RMND1: variants seen among roughly 807,000 people sequenced by gnomAD.
RMND1 encodes required for meiotic nuclear division 1 homolog, also known as required for meiotic nuclear division protein 1 homolog.
RMND1 carries 41 observed loss-of-function variants against 54.0 expected under a neutral mutation model. The ratio of observed to expected loss-of-function variants is 0.76; its 90% CI spans 0.59 to 0.98. The LOEUF (loss-of-function observed/expected upper bound fraction) is 0.98. Among genes scored for constraint, RMND1 ranks in the 50% least tolerant of loss-of-function variants. RMND1 has a pLI of 0.00. For synonymous variants in RMND1, 183 were observed against 181.7 expected, an observed-to-expected ratio of 1.01 and a Z score of -0.06; for missense variants, 457 against 532.0, an observed-to-expected ratio of 0.86 and a Z score of 1.39.
chr6:151,444,860 G>C (rs2114970405), intron 2 of RMND1: 1 of 153,808 alleles, frequency 6.5e-6, no homozygotes, highest in South Asian at 2.1e-4. Flanking sequence ...GCTGCTTTTG[G>C]AGTCCACCCT....
At position 151,417,342 on chromosome 6, in the gene RMND1, T is replaced by C; in HGVS notation, c.1137A>G (p.Arg379=). Residue 379 remains arginine (R), a synonymous_variant, in exon 10 of 12, where the codon AGA becomes AGG. Transcript: ENST00000444024. ...FLITPDFYWD[R]ENLEGLYDKT... ...TATCGTAAAGTCCTTCCAGGTTTTC[T>C]CTGTCCCAGTAGAAATCAGGAGTAA... 12 of 1,613,780 alleles carry C rather than the reference T, an allele frequency of 7.4e-6. No individual in the cohort carries two copies. Among genetic ancestry groups the C allele is most frequent in the African/African-American group, 1.3e-5 (1 of 75,060 alleles).
intron 5 of RMND1, among the ~76,000 whole-genome samples, chr6:151,428,391 A>C (rs1369561444): frequency 2.0e-5 from 3 of 152,200 alleles, no homozygotes; most frequent in African/African-American, 7.2e-5. Context: ...TTATTTAACC[A>C]ACCTAGGTGT....
At chr6:151,419,661 A>G (rs1332726822) in intron 9 of RMND1, among the ~76,000 whole-genome samples, 1 of 135,062 alleles carries the variant, frequency 7.4e-6, no homozygotes, top group East Asian at 2.1e-4. Context: ...GTGACAAGCA[A>G]GACCCTGTTT....
chr6:151,417,333 C>T lies in RMND1; in HGVS notation c.1146G>A (p.Leu382=). Residue 382 remains leucine, a synonymous_variant, in exon 10 of 12, where the codon CTG becomes CTA. Transcript: ENST00000444024. ...TPDFYWDREN[L]EGLYDKTCQF... ...GACACGTTTTATCGTAAAGTCCTTC[C>T]AGGTTTTCTCTGTCCCAGTAGAAAT... The T allele has an allele frequency of 6.2e-7, 1 of 1,613,754 alleles. No homozygotes were observed.
chr6:151,449,094 C>T (rs764475054), intron 1 of RMND1, among the ~76,000 whole-genome samples: 1 of 129,342 alleles, frequency 7.7e-6, no homozygotes, highest in Non-Finnish European at 1.5e-5. Flanking sequence ...AAAAGCCTGG[C>T]GCGGTGGCTC....
intron 3 of RMND1, 78 bp downstream of exon 3, chr6:151,436,368 T>C (rs888038054): frequency 2.6e-6 from 4 of 1,524,664 alleles, no homozygotes; most frequent in Non-Finnish European, 3.6e-6. Flanking sequence ...TGCAAACAAA[T>C]ACATACTTAA....
Position 151,445,078 on chromosome 6 carries a change from T to G in RMND1, c.504+230A>C, listed in dbSNP as rs1582970118. ...ACCAATAACCAAATCTTTTATAAAC[T>G]CTATTTTCATGTGTTATCACCTGTA... is the stretch of plus-strand genomic sequence containing the variant. On this transcript the variant is annotated intron_variant, in intron 2 of 11. Transcript: ENST00000444024. The G allele has an allele frequency of 9.0e-6, 4 of 442,448 alleles. No homozygotes were observed. The East Asian group carries it at 1.3e-4, about 15-fold the overall frequency. 27.4% of individuals were successfully genotyped at this position (442,448 alleles called of 1,614,324 possible). A position where few individuals can be genotyped will look rare whatever the true frequency, so the allele number is the denominator to read the frequency against.
chr6:151,407,260 CT>C (rs1400027299), intron 10 of RMND1, among the ~76,000 whole-genome samples: 3 of 152,172 alleles, frequency 2.0e-5, no homozygotes, highest in African/African-American at 7.2e-5. Flanking sequence ...AGTTTCTAAT[CT>C]GTATAGATGT....
At chr6:151,451,502 G>A (rs1422603194) in intron 1 of RMND1, among the ~76,000 whole-genome samples, 1 of 152,184 alleles carries the variant, frequency 6.6e-6, no homozygotes, top group Non-Finnish European at 1.5e-5. Flanking sequence ...AAAATAAGAG[G>A]AAAGGGCAGA....
rs974708373 is a variant in RMND1, at chr6:151,422,538, T to G, written c.1002+3A>C. On this transcript the variant is annotated splice_donor_region_variant and intron_variant, in intron 8 of 11. Transcript: ENST00000444024. ...TGAATAAGCATAAAATTGATATAAT[T>G]ACCTCAGGAATTGACTGAATAGATT... is the stretch of plus-strand genomic sequence containing the variant. The G allele has an allele frequency of 3.4e-5, 49 of 1,448,188 alleles. No individual in the cohort carries two copies. The highest frequency in any genetic ancestry group is 4.3e-5 in the Non-Finnish European group (46 of 1,064,226). 89.7% of individuals were successfully genotyped at this position (1,448,188 alleles called of 1,614,324 possible).
At chr6:151,436,196 C>T (rs1387731709) in intron 3 of RMND1, 1 of 391,288 alleles carries the variant, frequency 2.6e-6, no homozygotes, top group Non-Finnish European at 4.7e-6. Flanking sequence ...GTAGTATGAC[C>T]TCTGACCACC....
At chr6:151,417,784 C>T (rs1219595850) in intron 9 of RMND1, among the ~76,000 whole-genome samples, 2 of 151,268 alleles carry the variant, frequency 1.3e-5, no homozygotes, top group African/African-American at 4.8e-5. Flanking sequence ...TTATGAAGTA[C>T]ACAGAAAAAA....
intron 1 of RMND1, among the ~76,000 whole-genome samples, chr6:151,451,072 C>T (rs1012743727): frequency 3.9e-5 from 6 of 152,184 alleles, no homozygotes; most frequent in Non-Finnish European, 7.4e-5. Context: ...TGCGGAAGGC[C>T]GCAGGGTCCT....
chr6:151,421,470 C>T (rs1437731433), intron 8 of RMND1, 149 bp from the exon 9 acceptor site: 2 of 585,754 alleles, frequency 3.4e-6, no homozygotes, highest in East Asian at 2.9e-5. Context: ...AATGTCTTAA[C>T]TCACCTTGAA....
chr6:151,419,668 G>GT (rs1309490403), intron 9 of RMND1, among the ~76,000 whole-genome samples: 2 of 83,156 alleles, frequency 2.4e-5, no homozygotes, highest in Admixed American at 1.3e-4. Flanking sequence ...GCAAGACCCT[G>GT]TTTAAAAAAA....
At chr6:151,437,432 T>C (rs1780645051) in intron 2 of RMND1, among the ~76,000 whole-genome samples, 1 of 152,212 alleles carries the variant, frequency 6.6e-6, no homozygotes, top group Non-Finnish European at 1.5e-5. Flanking sequence ...TTGAAAGCTA[T>C]TGGCATAAGA....
At chr6:151,443,998 T>C (rs188334206) in intron 2 of RMND1, among the ~76,000 whole-genome samples, 5 of 152,310 alleles carry the variant, frequency 3.3e-5, no homozygotes, top group African/African-American at 9.6e-5. Context: ...CTATGTTGAA[T>C]GTTGAAAATC....
chr6:151,439,200 C>T (rs906863560), intron 2 of RMND1, among the ~76,000 whole-genome samples: 6 of 152,166 alleles, frequency 3.9e-5, no homozygotes, highest in Non-Finnish European at 7.3e-5. Flanking sequence ...TAAACAGAGA[C>T]CTGTGCAGAA....
At chr6:151,439,774 C>T (rs957305553) in intron 2 of RMND1, among the ~76,000 whole-genome samples, 3 of 152,168 alleles carry the variant, frequency 2.0e-5, no homozygotes, top group South Asian at 2.1e-4. Flanking sequence ...ATTCTCCTGC[C>T]GCAGCCTCTC....
Sources: allele counts gnomAD v4.1 joint callset (sites outside exome capture counted in the v4.1 genomes callset), GRCh38; gene constraint gnomAD v4.1.1; transcripts MANE v1.5; gene names NCBI Gene and HGNC (gene_info 2026-07-23, HGNC 2026-07-21).